EPHB4: variants seen among roughly 807,000 people sequenced by gnomAD.
The protein encoded by EPHB4 is ephrin type-B receptor 4.
A neutral mutation model predicts 110.6 loss-of-function variants in EPHB4; 50 were observed. The observed-to-expected ratio is 0.45, with a 90% CI of 0.36 to 0.57. EPHB4 has a LOEUF of 0.57. EPHB4 is among the 20% of genes least tolerant of loss of function. EPHB4 has a pLI of 0.00. For synonymous variants in EPHB4, 592 were observed against 578.4 expected, an observed-to-expected ratio of 1.02 and a Z score of -0.34; for missense variants, 1,128 against 1,382.1, an observed-to-expected ratio of 0.82 and a Z score of 2.91.
intron 5 of EPHB4, 116 bp downstream of exon 5, chr7:100,820,024 AC>A: frequency 1.3e-6 from 2 of 1,509,048 alleles, no homozygotes; most frequent in Non-Finnish European, 1.8e-6. Flanking sequence ...CGGGCTAGGG[AC>A]AAGCATGCCA....
Position 100,806,498 on chromosome 7 carries a change from A to G in EPHB4, c.2406T>C (p.Asp802=), listed in dbSNP as rs1562967183. 6.2e-6 allele frequency: 10 copies of G among 1,614,178 alleles called. No homozygotes were observed. Among genetic ancestry groups the G allele is most frequent in the Non-Finnish European group, 8.5e-6 (10 of 1,180,026 alleles). ...ACATCACAATCCCGTAACTCCAGGCATCACTGGCGGAAGTGAACTTCCGGA... is the reference window on the plus strand; with the variant it reads ...ACATCACAATCCCGTAACTCCAGGCGTCACTGGCGGAAGTGAACTTCCGGA... ...IAFRKFTSAS[D]AWSYGIVMWE... The change falls in exon 14 of 17, where the codon GAT becomes GAC. Residue 802 remains aspartate, a synonymous_variant. Coordinates refer to ENST00000358173, the MANE Select transcript of EPHB4 (RefSeq NM_004444.5).
intron 4 of EPHB4, among the ~76,000 whole-genome samples, chr7:100,821,538 G>T (rs143492471): frequency 6.6e-6 from 1 of 150,724 alleles, no homozygotes; most frequent in African/African-American, 2.4e-5. Context: ...TGAGGCAGGA[G>T]AATGGTGTTA....
At chr7:100,812,589 A>C (rs1248889725) in intron 12 of EPHB4, among the ~76,000 whole-genome samples, 158 bp downstream of exon 12, 1 of 151,964 alleles carries the variant, frequency 6.6e-6, no homozygotes, top group East Asian at 1.9e-4. Flanking sequence ...GCTCTGTCTT[A>C]AAAAAAAGAA....
intron 3 of EPHB4, among the ~76,000 whole-genome samples, chr7:100,823,242 G>C (rs571482998): frequency 6.6e-6 from 1 of 152,152 alleles, no homozygotes; most frequent in Non-Finnish European, 1.5e-5. Context: ...GCAAGATCTC[G>C]GGAGCTGGAA....
intron 8 of EPHB4, among the ~76,000 whole-genome samples, chr7:100,816,898 G>A (rs1357622086): frequency 2.0e-5 from 3 of 151,886 alleles, no homozygotes; most frequent in Non-Finnish European, 4.4e-5. Flanking sequence ...CCTGGCCAAC[G>A]CGGTGAAGCC....
Position 100,823,495 on chromosome 7 carries a change from C to A in EPHB4, c.411+149G>T. ...TGCTCCTCCGCCCAGAAGATCACCC[C>A]CTTCCCTCCCCAGACCTAAGCCTCC... On this transcript the variant is annotated intron_variant, in intron 3 of 16. Transcript: ENST00000358173. 4 of 1,086,222 alleles carry A rather than the reference C, an allele frequency of 3.7e-6. No homozygotes were observed. In the South Asian group the frequency reaches 4.8e-5, roughly 13 times the overall value. 67.3% of individuals were successfully genotyped at this position (1,086,222 alleles called of 1,614,324 possible).
At chr7:100,816,694 A>C (rs1813076082) in intron 8 of EPHB4, among the ~76,000 whole-genome samples, 2 of 152,032 alleles carry the variant, frequency 1.3e-5, no homozygotes, top group Admixed American at 1.3e-4. Context: ...GAAGCAGGCC[A>C]GACTTCACAA....
At chr7:100,811,250 T>C (rs1053271493) in intron 12 of EPHB4, among the ~76,000 whole-genome samples, 4 of 145,864 alleles carry the variant, frequency 2.7e-5, no homozygotes, top group African/African-American at 1.0e-4. Flanking sequence ...AAACTCCATC[T>C]CAAGAAAAAA....
rs779782731 is a variant in EPHB4 at position 100,819,563 on chromosome 7, G to T, written c.1291C>A (p.Arg431=). The change falls in exon 6 of 17, where the codon CGA becomes AGA. Residue 431 remains arginine (R), a synonymous_variant. Transcript: ENST00000358173. ...CCCAGCCCCCAAGTCTCACCCTCTCGGTCAGTGGTGACATTGACAGGCTCA... is the reference window on the plus strand; with the variant it reads ...CCCAGCCCCCAAGTCTCACCCTCTCTGTCAGTGGTGACATTGACAGGCTCA... ...PFEPVNVTTD[R]EVPPAVSDIR... The T allele has an allele frequency of 1.3e-6, 2 of 1,558,504 alleles. No individual in the cohort carries two copies. Among genetic ancestry groups the T allele is most frequent in the South Asian group, 1.2e-5 (1 of 83,624 alleles).
chr7:100,805,815 C>T (rs989436748), intron 14 of EPHB4, 121 bp from the exon 15 acceptor site: 3 of 995,618 alleles, frequency 3.0e-6, no homozygotes, highest in Non-Finnish European at 2.7e-6. Flanking sequence ...CAAAAAATAA[C>T]AGATCCAGGA....
At chr7:100,826,810 C>T in intron 1 of EPHB4, 169 bp downstream of exon 1, 1 of 665,964 alleles carries the variant, frequency 1.5e-6, no homozygotes, top group South Asian at 2.9e-5. Context: ...ACCCGTCGGG[C>T]GCCTCTTCCC....
chr7:100,813,718 T>C lies in EPHB4; in HGVS notation c.1692-2A>G, dbSNP rs1403090231. ...GCTTCTCTCCCATTGCTCTGCTTCC[T>C]GTAGCCGATGGGAAAGGAACAAAAG... On this transcript the variant is annotated splice_acceptor_variant, in intron 9 of 16. Transcript: ENST00000358173. LOFTEE classifies it high-confidence loss of function. The C allele has an allele frequency of 6.2e-7, 1 of 1,614,192 alleles. No individual in the cohort carries two copies.
chr7:100,805,448 C>G, intron 15 of EPHB4, 53 bp downstream of exon 15: 1 of 1,544,030 alleles, frequency 6.5e-7, no homozygotes, highest in Non-Finnish European at 8.7e-7. Context: ...CACTTCTGGG[C>G]AAGGAGTGGG....
At chr7:100,826,437 C>A (rs1584669782) in intron 1 of EPHB4, among the ~76,000 whole-genome samples, 2 of 152,024 alleles carry the variant, frequency 1.3e-5, no homozygotes, top group Admixed American at 1.3e-4. Flanking sequence ...GAGCAGTGGG[C>A]GGGAGAGCGG....
chr7:100,819,324 G>T (rs1249912200), intron 6 of EPHB4, among the ~76,000 whole-genome samples: 2 of 152,218 alleles, frequency 1.3e-5, no homozygotes, highest in African/African-American at 4.8e-5. Context: ...TACCCAGGCT[G>T]GTCTTGAACT....
At chr7:100,824,006 A>G in intron 2 of EPHB4, 75 bp from the exon 3 acceptor site, 1 of 1,513,928 alleles carries the variant, frequency 6.6e-7, no homozygotes, top group Non-Finnish European at 8.9e-7. Flanking sequence ...AATCCTATAA[A>G]GTGAGAGGGA....
Position 100,823,759 on chromosome 7 carries a change from G to A in EPHB4, c.296C>T (p.Ser99Phe), listed in dbSNP as rs1376373159. ...GCAGGAGCGCCCAGCCCGAGGCAGG[G>A]ACAGGCACTCGAGCATGGTGAAGCG... ...TLRFTMLECLSLPRAGRSCKE... is the reference protein window; with the variant it reads ...TLRFTMLECLFLPRAGRSCKE... The change falls in exon 3 of 17, where the codon TCC (serine) becomes TTC (phenylalanine). Residue 99 changes from serine to phenylalanine, a missense_variant. By Grantham distance (155) the Ser-to-Phe change is radical. Coordinates refer to ENST00000358173, the MANE Select transcript of EPHB4 (RefSeq NM_004444.5). The A allele has an allele frequency of 6.2e-7, 1 of 1,613,608 alleles. No individual in the cohort carries two copies. Among genetic ancestry groups the A allele is most frequent in the Non-Finnish European group, 8.5e-7 (1 of 1,179,958 alleles).
intron 6 of EPHB4, 125 bp from the exon 7 acceptor site, chr7:100,818,769 C>T: frequency 1.6e-6 from 2 of 1,229,782 alleles, no homozygotes; most frequent in Non-Finnish European, 2.2e-6. Context: ...GTGGCGCAGT[C>T]TCAGCTTACT....
intron 12 of EPHB4, among the ~76,000 whole-genome samples, chr7:100,808,343 T>G (rs1247744361): frequency 6.6e-6 from 1 of 152,166 alleles, no homozygotes; most frequent in African/African-American, 2.4e-5. Context: ...CTCAGCCTCC[T>G]TAGTAGCTGG....
Sources: gnomAD v4.1 joint callset for allele counts (sites outside exome capture counted in the v4.1 genomes callset) on GRCh38, gnomAD v4.1.1 for gene constraint, MANE v1.5 for transcripts, NCBI Gene and HGNC (gene_info 2026-07-23, HGNC 2026-07-21) for gene names.